Variants in NTN1 observed in about 807,000 individuals in gnomAD.
NTN1 encodes netrin-1.
NTN1 carries 11 observed loss-of-function variants against 54.2 expected under a neutral mutation model. The observed-to-expected ratio is 0.20, with a 90% CI of 0.13 to 0.34. The LOEUF (loss-of-function observed/expected upper bound fraction) is 0.34. Among genes scored for constraint, NTN1 ranks in the 10% least tolerant of loss-of-function variants. The pLI is 1.00. For missense variants in NTN1, 740 were observed against 893.1 expected, an observed-to-expected ratio of 0.83 and a Z score of 2.18; for synonymous variants, 371 against 382.0, an observed-to-expected ratio of 0.97 and a Z score of 0.33.
intron 2 of NTN1, among the ~76,000 whole-genome samples, chr17:9,092,726 G>C (rs2092116071): frequency 6.6e-6 from 1 of 151,518 alleles, no homozygotes; most frequent in Admixed American, 6.6e-5. Context: ...CCCATAGCTG[G>C]GATTACAGGC....
chr17:9,152,533 C>T (rs112330929), intron 2 of NTN1, among the ~76,000 whole-genome samples: 4 of 152,158 alleles, frequency 2.6e-5, no homozygotes, highest in African/African-American at 9.7e-5. Context: ...TGGCAATTCC[C>T]AGCTGTGATC....
chr17:9,216,571 G>A (rs1323283536), intron 5 of NTN1, among the ~76,000 whole-genome samples: 5 of 152,250 alleles, frequency 3.3e-5, no homozygotes, highest in Admixed American at 2.6e-4. Flanking sequence ...ATGTACTGGT[G>A]CAATGGCTGG....
chr17:9,173,212 G>A (rs2092391997), intron 3 of NTN1: 1 of 152,332 alleles, frequency 6.6e-6, no homozygotes, highest in Admixed American at 6.6e-5. Flanking sequence ...CCTTACATTA[G>A]GTCCGCTCCA....
chr17:9,119,301 C>G (rs2092224869), intron 2 of NTN1, among the ~76,000 whole-genome samples: 1 of 152,208 alleles, frequency 6.6e-6, no homozygotes, highest in South Asian at 2.1e-4. Flanking sequence ...AATTCTCCTG[C>G]CTCAGCCTCC....
chr17:9,065,426 C>T (rs370900526), intron 2 of NTN1, among the ~76,000 whole-genome samples: 1 of 152,304 alleles, frequency 6.6e-6, no homozygotes, highest in East Asian at 1.9e-4. Context: ...TCTTTCTCAT[C>T]CCTCAGGTTT....
chr17:9,161,486 A>T (rs1365571149), intron 2 of NTN1, among the ~76,000 whole-genome samples: 1 of 152,128 alleles, frequency 6.6e-6, no homozygotes, highest in Non-Finnish European at 1.5e-5. Context: ...GGTGCTTAGA[A>T]ATCCTGCTCT....
chr17:9,208,103 G>A (rs1171820301), intron 5 of NTN1, among the ~76,000 whole-genome samples: 2 of 152,136 alleles, frequency 1.3e-5, no homozygotes, highest in African/African-American at 4.8e-5. Flanking sequence ...GTAGTGGTGT[G>A]TGCCTGTAAT....
At chr17:9,191,164 A>G (rs1209530266) in intron 5 of NTN1, among the ~76,000 whole-genome samples, 1 of 152,182 alleles carries the variant, frequency 6.6e-6, no homozygotes, top group Non-Finnish European at 1.5e-5. Flanking sequence ...AAGATTTTGA[A>G]TAAATAATAA....
rs1345280149 is a variant in NTN1, at chr17:9,135,481, C to T, written c.1019-27332C>T. Among the ~76,000 whole-genome samples the T allele has an allele frequency of 6.6e-6, 1 of 152,210 alleles. No individual in the cohort carries two copies. Among genetic ancestry groups the T allele is most frequent in the Non-Finnish European group, 1.5e-5 (1 of 68,050 alleles). On this transcript the variant is annotated intron_variant, in intron 2 of 6. Transcript: ENST00000173229. The surrounding 1 kb of genome is among the most constrained non-coding windows in gnomAD (Gnocchi z 4.4). The stretch of plus-strand genomic sequence containing the variant: ...CTGTTCCCAGCAATAGTTCATTCGC[C>T]ACTGTCGGGGTCAACCACTTAGTCC...
intron 2 of NTN1, among the ~76,000 whole-genome samples, chr17:9,132,601 G>A (rs992825812): frequency 3.3e-5 from 5 of 152,194 alleles, no homozygotes; most frequent in Admixed American, 6.5e-5. Context: ...CCGGCCAGGC[G>A]CAGTGGCTCA....
intron 2 of NTN1, among the ~76,000 whole-genome samples, chr17:9,151,638 T>C (rs1402886509): frequency 6.6e-6 from 1 of 152,192 alleles, no homozygotes; most frequent in Non-Finnish European, 1.5e-5. Context: ...GGAGTGGCCC[T>C]GCAGGCCTGG....
chr17:9,182,785 A>C (rs1567731730), intron 4 of NTN1, 131 bp from the exon 5 acceptor site: 1 of 899,032 alleles, frequency 1.1e-6, no homozygotes, highest in Admixed American at 1.8e-5. Context: ...TGAGCCAAGG[A>C]GTGGGAAACG....
intron 2 of NTN1, among the ~76,000 whole-genome samples, chr17:9,028,953 C>T (rs546711587): frequency 2.0e-5 from 3 of 151,664 alleles, no homozygotes; most frequent in Admixed American, 2.0e-4. Context: ...TTCATCCTTT[C>T]AGAAGGTGTT....
At chr17:9,155,947 A>C (rs1247059012) in intron 2 of NTN1, among the ~76,000 whole-genome samples, 2 of 152,172 alleles carry the variant, frequency 1.3e-5, no homozygotes, top group South Asian at 4.1e-4. Context: ...CAAAATTGCC[A>C]CCGGTTGAGA....
At position 9,151,036 on chromosome 17, in the gene NTN1, C is replaced by T. The variant is rs547924821; in HGVS notation, c.1019-11777C>T. Among the ~76,000 whole-genome samples the T allele has an allele frequency of 2.0e-5, 3 of 152,216 alleles. No homozygotes were observed. In the South Asian group the frequency reaches 6.2e-4, roughly 32 times the overall value. On this transcript the variant is annotated intron_variant, in intron 2 of 6. Coordinates refer to ENST00000173229, the MANE Select transcript of NTN1 (RefSeq NM_004822.3). ...GCCGCCAGCCTCTTTGCAGGGACCA[C>T]GTCCATCAGTTGGTCCCCCCTGGAC... is the stretch of plus-strand genomic sequence containing the variant.
In NTN1 at chr17:9,098,086, C is replaced by T. The variant is rs1001366620; in HGVS notation, c.1019-64727C>T. Reference sequence around the variant, plus strand: ...TGGGTTTTAGTCAAGGACTTCCTACCGTTATCATGACTGTAGAGTGGACGT... The same window carrying T: ...TGGGTTTTAGTCAAGGACTTCCTACTGTTATCATGACTGTAGAGTGGACGT... On this transcript the variant is annotated intron_variant, in intron 2 of 6. Coordinates refer to ENST00000173229, the MANE Select transcript of NTN1 (RefSeq NM_004822.3). 6.6e-5 allele frequency among the ~76,000 whole-genome samples: 10 copies of T among 152,108 alleles called. No homozygotes were observed. The East Asian group carries it at 7.7e-4, about 12-fold the overall frequency.
At chr17:9,115,498 C>T (rs141226122) in intron 2 of NTN1, among the ~76,000 whole-genome samples, 1 of 152,352 alleles carries the variant, frequency 6.6e-6, no homozygotes, top group African/African-American at 2.4e-5. Context: ...ACGTGACGTT[C>T]CTGGAGCTGG....
At chr17:9,154,944 CTTTTCCA>C (rs1183189076) in intron 2 of NTN1, among the ~76,000 whole-genome samples, 2 of 152,130 alleles carry the variant, frequency 1.3e-5, no homozygotes, top group East Asian at 3.9e-4. Context: ...CAACTGGGTT[CTTTTCCA>C]TTGAGTTCCA....
chr17:9,006,063 G>T, the NTN1 span, among the ~76,000 whole-genome samples: 1 of 152,096 alleles, frequency 6.6e-6, no homozygotes, highest in African/African-American at 2.4e-5. Context: ...GCCAGCACCT[G>T]CCCCTTCAGC....
Sources: allele counts gnomAD v4.1 joint callset (sites outside exome capture counted in the v4.1 genomes callset), GRCh38; gene constraint gnomAD v4.1.1; non-coding constraint Gnocchi (gnomAD v3.1); transcripts MANE v1.5; gene names NCBI Gene and HGNC (gene_info 2026-07-23, HGNC 2026-07-21).